FAM184B: variants seen among roughly 807,000 people sequenced by gnomAD.
The protein encoded by FAM184B is protein FAM184B.
Under a neutral mutation model 135.9 loss-of-function variants are expected in FAM184B, and 111 were observed. The observed-to-expected ratio is 0.82, with a 90% CI of 0.70 to 0.96. The LOEUF is 0.96. FAM184B is among the 40% of genes least tolerant of loss of function. The probability of loss-of-function intolerance (pLI) is 0.00; values close to 1 mark genes in which losing one functional copy is unlikely to be tolerated. For missense variants in FAM184B, 1,375 were observed against 1,323.9 expected (o/e 1.04, Z -0.60); for synonymous variants, 552 against 524.8 (o/e 1.05, Z -0.71).
chr4:17,702,136 T>C (rs1307249840), intron 5 of FAM184B, among the ~76,000 whole-genome samples: 2 of 152,180 alleles, frequency 1.3e-5, no homozygotes, highest in African/African-American at 2.4e-5. Context: ...TGGGACATTA[T>C]TCCTGGCTGG....
chr4:17,640,548 A>T (rs993954755), intron 13 of FAM184B, among the ~76,000 whole-genome samples: 1 of 149,736 alleles, frequency 6.7e-6, no homozygotes, highest in Non-Finnish European at 1.5e-5. Flanking sequence ...GGGCCAACAC[A>T]ACAGGGTTCA....
At position 17,660,041 on chromosome 4, in the gene FAM184B, C is replaced by G. The variant is rs369083060; in HGVS notation, c.1741G>C (p.Gly581Arg). Residue 581 changes from glycine (G) to arginine (R), a missense_variant, in exon 9 of 18, where the codon GGC becomes CGC. Gly to Arg is a moderately radical substitution (Grantham distance 125). Transcript: ENST00000265018. ...KEGSDPQPPL[G>R]SLLKEKTSKI... is the part of the protein sequence containing the mutation. ...GATGTTTTCTCCTTCAACAAAGAGC[C>G]CAGTGGAGGTTGTGGGTCACTTCCC... is the stretch of plus-strand genomic sequence containing the variant. 160 of 1,551,586 alleles carry G rather than the reference C, an allele frequency of 1.0e-4. No individual in the cohort carries two copies. The African/African-American group carries it at 1.9e-3, about 18-fold the overall frequency.
At chr4:17,642,546 CT>C (rs1715352809) in intron 12 of FAM184B, among the ~76,000 whole-genome samples, 1 of 152,190 alleles carries the variant, frequency 6.6e-6, no homozygotes, top group Non-Finnish European at 1.5e-5. Context: ...TCAGTGAAGT[CT>C]TCCCTCCGTG....
chr4:17,659,037 C>T (rs1715849671), intron 9 of FAM184B, among the ~76,000 whole-genome samples: 1 of 152,070 alleles, frequency 6.6e-6, no homozygotes, highest in African/African-American at 2.4e-5. Flanking sequence ...TTACTGACTT[C>T]TTATGTCAAC....
At chr4:17,708,766 G>T in intron 2 of FAM184B, 126 bp downstream of exon 2, 13 of 716,402 alleles carry the variant, frequency 1.8e-5, no homozygotes, top group Admixed American at 4.2e-5. Flanking sequence ...TGAATTCAAT[G>T]GAGATAATAG....
At chr4:17,744,781 T>C (rs1718124596) in intron 1 of FAM184B, among the ~76,000 whole-genome samples, 1 of 152,214 alleles carries the variant, frequency 6.6e-6, no homozygotes, top group Non-Finnish European at 1.5e-5. Context: ...TATCACAGTT[T>C]TGCTTTTCCA....
At chr4:17,643,538 G>A (rs1715382476) in intron 12 of FAM184B, among the ~76,000 whole-genome samples, 2 of 152,048 alleles carry the variant, frequency 1.3e-5, no homozygotes, top group African/African-American at 4.8e-5. Context: ...GTCCCCAGCT[G>A]TCTCCATCCC....
intron 16 of FAM184B, among the ~76,000 whole-genome samples, chr4:17,634,378 C>T (rs752255157): frequency 2.0e-5 from 3 of 152,158 alleles, no homozygotes; most frequent in Non-Finnish European, 4.4e-5. Context: ...AGCTGGAGTA[C>T]GGTGGTGCGA....
chr4:17,666,469 CTTTTTTT>C (rs386399397), intron 7 of FAM184B, among the ~76,000 whole-genome samples: 4 of 57,162 alleles, frequency 7.0e-5, no homozygotes, highest in Non-Finnish European at 8.8e-5. Flanking sequence ...GTGCCTGGTT[CTTTTTTT>C]TTTTTTTTTT....
At chr4:17,743,206 A>G (rs1427196249) in intron 1 of FAM184B, among the ~76,000 whole-genome samples, 2 of 152,158 alleles carry the variant, frequency 1.3e-5, no homozygotes, top group East Asian at 3.9e-4. Flanking sequence ...AAAGTATGAG[A>G]GGTGTAAGTA....
At chr4:17,748,114 A>G (rs1718213741) in intron 1 of FAM184B, among the ~76,000 whole-genome samples, 2 of 150,136 alleles carry the variant, frequency 1.3e-5, no homozygotes, top group Admixed American at 1.3e-4. Context: ...AAAAAAAAAA[A>G]AAAAAAAAAG....
Position 17,781,228 on chromosome 4 carries a change from G to A in FAM184B, c.72C>T (p.Ala24=). ...GGGGATCACAGTCCATTCTCCAGCC[G>A]GCGCCACCGTCGGCTTTGGAGCCCT... ...TCQGSKADGG[A]GWRMDCDPQM... Residue 24 remains alanine, a synonymous_variant, in exon 1 of 18, where the codon GCC becomes GCT. Coordinates refer to ENST00000265018, the MANE Select transcript of FAM184B (RefSeq NM_015688.2). This position sits in a 1 kb window ranked among gnomAD's most constrained non-coding sequence, Gnocchi z 6.5. The A allele has an allele frequency of 6.4e-7, 1 of 1,550,968 alleles. No individual in the cohort carries two copies. The highest frequency in any genetic ancestry group is 8.7e-7 in the Non-Finnish European group (1 of 1,146,652).
At chr4:17,774,831 C>A (rs192467828) in intron 1 of FAM184B, among the ~76,000 whole-genome samples, 1 of 152,136 alleles carries the variant, frequency 6.6e-6, no homozygotes, top group Non-Finnish European at 1.5e-5. Context: ...TACTCAGAAT[C>A]GCCTATTTTA....
Position 17,781,187 on chromosome 4 carries a change from A to G in FAM184B, c.113T>C (p.Met38Thr). The G allele has an allele frequency of 1.3e-6, 2 of 1,548,912 alleles. No individual in the cohort carries two copies. The highest frequency in any genetic ancestry group is 1.7e-6 in the Non-Finnish European group (2 of 1,145,800). The change falls in exon 1 of 18, where the codon ATG becomes ACG. Residue 38 changes from methionine to threonine, a missense_variant. Coordinates refer to ENST00000265018, the MANE Select transcript of FAM184B (RefSeq NM_015688.2). The surrounding 1 kb of genome is among the most constrained non-coding windows in gnomAD (Gnocchi z 6.5). ...MDCDPQMHVKMCKKIAQLTKV... is the reference protein window; with the variant it reads ...MDCDPQMHVKTCKKIAQLTKV... ...GGTGAGCTGGGCGATCTTCTTGCAC[A>G]TTTTCACGTGCATCTGGGGATCACA...
chr4:17,704,325 C>T lies in FAM184B; in HGVS notation c.1377+675G>A, dbSNP rs562820026. ...AGAGACGAGGCTTTGCATGCCTTGC[C>T]AGCAGAAAGCCACCCTGTTTGGAGG... On this transcript the variant is annotated intron_variant, in intron 5 of 17. Coordinates refer to ENST00000265018, the MANE Select transcript of FAM184B (RefSeq NM_015688.2). 3.9e-5 allele frequency among the ~76,000 whole-genome samples: 6 copies of T among 152,304 alleles called. No homozygotes were observed. In the South Asian group the frequency reaches 1.2e-3, roughly 32 times the overall value.
At chr4:17,688,616 T>C in intron 6 of FAM184B, 85 bp from the exon 7 acceptor site, 1 of 961,884 alleles carries the variant, frequency 1.0e-6, no homozygotes, top group Non-Finnish European at 1.5e-6. Context: ...TCAATTCTCC[T>C]GGGTCAGTCT....
intron 6 of FAM184B, 71 bp downstream of exon 6, chr4:17,693,231 C>G (rs999913838): frequency 8.2e-7 from 1 of 1,216,058 alleles, no homozygotes; most frequent in African/African-American, 1.5e-5. Flanking sequence ...AAATTCTTGG[C>G]TTCTCAGTTA....
chr4:17,638,202 T>C (rs533740560), intron 14 of FAM184B, among the ~76,000 whole-genome samples: 32 of 146,570 alleles, frequency 2.2e-4, no homozygotes, highest in Admixed American at 9.1e-4. Flanking sequence ...TTTGTTTTGT[T>C]TTGAGACAGA....
intron 10 of FAM184B, among the ~76,000 whole-genome samples, chr4:17,653,218 C>T (rs1715675681): frequency 6.7e-6 from 1 of 149,618 alleles, no homozygotes; most frequent in Non-Finnish European, 1.5e-5. Flanking sequence ...CTGTTCTAAC[C>T]TGGGCCAATC....
Sources: gnomAD v4.1 joint callset for allele counts (sites outside exome capture counted in the v4.1 genomes callset) on GRCh38, gnomAD v4.1.1 for gene constraint, Gnocchi (gnomAD v3.1) non-coding constraint, MANE v1.5 for transcripts, NCBI Gene and HGNC (gene_info 2026-07-23, HGNC 2026-07-21) for gene names.